The following HLCS variants were observed in gnomAD, a reference collection of about 807,000 sequenced individuals.
HLCS encodes the protein biotin--protein ligase.
A neutral mutation model predicts 75.0 loss-of-function variants in HLCS; 53 were observed. The ratio of observed to expected loss-of-function variants is 0.71; its 90% CI spans 0.57 to 0.89. The LOEUF is 0.89. Among genes scored for constraint, HLCS ranks in the 40% least tolerant of loss-of-function variants. HLCS has a pLI of 0.00. For missense variants in HLCS, 966 were observed against 1,074.0 expected, an observed-to-expected ratio of 0.90 and a Z score of 1.41; for synonymous variants, 431 against 428.6, an observed-to-expected ratio of 1.01 and a Z score of -0.07.
chr21:36,897,161 C>A, intron 5 of HLCS, 30 bp from the exon 6 acceptor site: 1 of 1,613,182 alleles, frequency 6.2e-7, no homozygotes, highest in South Asian at 1.1e-5. Context: ...ATGAGATGGT[C>A]GTAATTTGGC....
At chr21:36,772,463 C>G (rs193291057) in intron 6 of HLCS, among the ~76,000 whole-genome samples, 120 of 151,584 alleles carry the variant, frequency 7.9e-4, no homozygotes, top group African/African-American at 2.7e-3. Context: ...ATGGCAAAAC[C>G]CCATGTCTAT....
chr21:36,763,036 C>CT (rs937458977), intron 8 of HLCS, among the ~76,000 whole-genome samples: 1 of 152,100 alleles, frequency 6.6e-6, no homozygotes, highest in Non-Finnish European at 1.5e-5. Context: ...TTCTTTCTTC[C>CT]TTTTTTTGAT....
chr21:36,955,514 G>A (rs1026069047), intron 2 of HLCS, among the ~76,000 whole-genome samples: 1 of 142,804 alleles, frequency 7.0e-6, no homozygotes, highest in Admixed American at 7.4e-5. Context: ...TTAGAAAAAA[G>A]CTTTTAGAAT....
At chr21:36,864,348 C>G (rs2063483283) in intron 6 of HLCS, among the ~76,000 whole-genome samples, 1 of 151,424 alleles carries the variant, frequency 6.6e-6, no homozygotes, top group African/African-American at 2.4e-5. Context: ...TGCAGTGAGC[C>G]GAGGTTGTGC....
chr21:36,755,577 C>T (rs1195535945), intron 10 of HLCS, among the ~76,000 whole-genome samples: 1 of 152,210 alleles, frequency 6.6e-6, no homozygotes, highest in Non-Finnish European at 1.5e-5. Context: ...TTCCCACTGT[C>T]CTTTTAATAT....
upstream of HLCS, among the ~76,000 whole-genome samples, chr21:36,970,018 A>G (rs1378958099): frequency 6.6e-6 from 1 of 152,170 alleles, no homozygotes; most frequent in Non-Finnish European, 1.5e-5. Flanking sequence ...CAGACTCAAA[A>G]AGTCTCTAGT....
At chr21:36,768,130 C>T (rs933428684) in intron 6 of HLCS, among the ~76,000 whole-genome samples, 1 of 152,214 alleles carries the variant, frequency 6.6e-6, no homozygotes, top group Admixed American at 6.5e-5. Context: ...GCTGCGCAGG[C>T]GCGGTTCGAG....
chr21:36,897,212 T>G, intron 5 of HLCS, 81 bp from the exon 6 acceptor site: 1 of 1,418,016 alleles, frequency 7.1e-7, no homozygotes, highest in Non-Finnish European at 9.9e-7. Context: ...TAATGCCATT[T>G]TGGTAATATG....
At chr21:36,832,106 G>C (rs922302861) in intron 6 of HLCS, among the ~76,000 whole-genome samples, 11 of 152,174 alleles carry the variant, frequency 7.2e-5, no homozygotes, top group Non-Finnish European at 1.5e-4. Flanking sequence ...ATTAGATACT[G>C]AAGGCCTGGT....
At chr21:36,756,952 T>C in intron 9 of HLCS, 197 bp from the exon 10 acceptor site, 1 of 985,366 alleles carries the variant, frequency 1.0e-6, no homozygotes, top group Non-Finnish European at 1.2e-6. Context: ...TTTATTATTC[T>C]TGTTCAAGCT....
intron 5 of HLCS, among the ~76,000 whole-genome samples, chr21:36,929,153 T>C (rs1308897426): frequency 6.6e-6 from 1 of 152,242 alleles, no homozygotes; most frequent in East Asian, 1.9e-4. Flanking sequence ...TCCACTACTC[T>C]GTCCAAGAGT....
chr21:36,847,453 C>T (rs1357413823), intron 6 of HLCS, among the ~76,000 whole-genome samples: 2 of 152,132 alleles, frequency 1.3e-5, no homozygotes, highest in East Asian at 1.9e-4. Flanking sequence ...AGCACTTAGA[C>T]AGTAATACCA....
At chr21:36,986,880 C>G (rs1025228745) in intron 1 of HLCS, 1 of 152,274 alleles carries the variant, frequency 6.6e-6, no homozygotes, top group African/African-American at 2.4e-5. Context: ...GTTCCTTCAG[C>G]AATCATTAGC....
intron 6 of HLCS, among the ~76,000 whole-genome samples, chr21:36,859,728 T>C (rs563310472): frequency 6.6e-6 from 1 of 152,354 alleles, no homozygotes; most frequent in South Asian, 2.1e-4. Flanking sequence ...CTTTTGAATT[T>C]CGTTTAAAAT....
chr21:36,928,526 C>T (rs1569204593), intron 5 of HLCS, among the ~76,000 whole-genome samples: 1 of 152,046 alleles, frequency 6.6e-6, no homozygotes, highest in Non-Finnish European at 1.5e-5. Flanking sequence ...GCCATGATTG[C>T]ACCACTACAC....
intron 6 of HLCS, 121 bp from the exon 7 acceptor site, chr21:36,767,406 C>T: frequency 1.1e-6 from 1 of 929,242 alleles, no homozygotes. Flanking sequence ...GAAGGGCCAA[C>T]TTTGGTTCCA....
chr21:36,964,164 G>T (rs1000270177), intron 1 of HLCS, among the ~76,000 whole-genome samples: 10 of 152,200 alleles, frequency 6.6e-5, no homozygotes, highest in Non-Finnish European at 1.3e-4. Flanking sequence ...GGTGGAGATT[G>T]CAGTGAGCGG....
chr21:36,926,268 G>T (rs2146474159), intron 5 of HLCS, among the ~76,000 whole-genome samples: 1 of 152,312 alleles, frequency 6.6e-6, no homozygotes, highest in Admixed American at 6.5e-5. Context: ...GAAGCAAAGG[G>T]ACAGCTTCAG....
At chr21:36,975,850 G>A (rs563847514) in intron 1 of HLCS, among the ~76,000 whole-genome samples, 19 of 152,094 alleles carry the variant, frequency 1.2e-4, no homozygotes, top group Non-Finnish European at 2.2e-4. Context: ...CTTATTCCAC[G>A]TTCATTCTGC....
Sources: gnomAD v4.1 joint callset for allele counts (sites outside exome capture counted in the v4.1 genomes callset) on GRCh38, gnomAD v4.1.1 for gene constraint, MANE v1.5 for transcripts, NCBI Gene and HGNC (gene_info 2026-07-23, HGNC 2026-07-21) for gene names.